Variants in NCLN observed in about 807,000 individuals in gnomAD.
NCLN encodes the protein nicalin.
Under a neutral mutation model 69.5 loss-of-function variants are expected in NCLN, and 34 were observed. The ratio of observed to expected loss-of-function variants is 0.49; its 90% CI spans 0.37 to 0.65. The LOEUF (loss-of-function observed/expected upper bound fraction) is 0.65, where lower values mean the gene tolerates loss of function less well. Among genes scored for constraint, NCLN ranks in the 30% least tolerant of loss-of-function variants. The pLI is 0.00. For missense variants in NCLN, 710 were observed against 804.8 expected, an observed-to-expected ratio of 0.88 and a Z score of 1.42; for synonymous variants, 393 against 358.3, an observed-to-expected ratio of 1.10 and a Z score of -1.09.
intron 1 of NCLN, among the ~76,000 whole-genome samples, chr19:3,189,204 G>A (rs1050615452): frequency 5.3e-5 from 8 of 152,178 alleles, no homozygotes; most frequent in Admixed American, 3.3e-4. Context: ...TTCTCGGCTC[G>A]GTGGCCGTTC....
Position 3,201,533 on chromosome 19 carries a change from T to G in NCLN, c.707T>G (p.Leu236Arg). The change falls in exon 6 of 15, where the codon CTG (leucine) becomes CGG (arginine). Residue 236 changes from leucine to arginine, a missense_variant. Transcript: ENST00000246117. ...CTCCCGTCCCTGTAGTGGCTGTCGC[T>G]GGGCGCGGACTCCAACGGGAGCGGC... ...DAFGVAPWLS[L>R]GADSNGSGVS... 3 of 1,555,268 alleles carry G rather than the reference T, an allele frequency of 1.9e-6. No individual in the cohort carries two copies. Among genetic ancestry groups the G allele is most frequent in the Non-Finnish European group, 2.6e-6 (3 of 1,156,540 alleles).
chr19:3,192,120 G>A (rs1915841197), intron 1 of NCLN, among the ~76,000 whole-genome samples: 1 of 152,208 alleles, frequency 6.6e-6, no homozygotes, highest in Non-Finnish European at 1.5e-5. Context: ...CCCGGGAGGT[G>A]GAGGCTGCAG....
In NCLN at chr19:3,208,352, A is replaced by G. The variant is rs312070; in HGVS notation, c.*664A>G. ...TCCGACTGCAGGGTCTGATGTCATC[A>G]TTGACAGCCTTTGCTTCGTGGGGGC... On this transcript the variant is annotated 3_prime_UTR_variant, in exon 15 of 15. Transcript: ENST00000246117. The G allele has an allele frequency of 0.53, 80,812 of 152,148 alleles. 22,220 individuals carry two copies. The highest frequency in any genetic ancestry group is 0.9 in the East Asian group (4,649 of 5,164). The allele number at this position is 152,148 out of a possible 1,614,324, so 9.4% of individuals were successfully genotyped here.
Position 3,198,919 on chromosome 19 carries a change from C to T in NCLN, c.696+22C>T, listed in dbSNP as rs372159042. 1.4e-3 allele frequency: 1,934 copies of T among 1,412,470 alleles called. 2 individuals are homozygous for T. The highest frequency in any genetic ancestry group is 1.6e-3 in the Non-Finnish European group (1,696 of 1,064,534). The allele number at this position is 1,412,470 out of a possible 1,614,324, so 87.5% of individuals were successfully genotyped here. On this transcript the variant is annotated intron_variant, in intron 5 of 14. Coordinates refer to ENST00000246117, the MANE Select transcript of NCLN (RefSeq NM_020170.4). Reference sequence around the variant, plus strand: ...CCCCGTACGTATGTGTGTCCCCATTCCCCCCACCCCACAGGGCTTGGATTC... The same window carrying T: ...CCCCGTACGTATGTGTGTCCCCATTTCCCCCACCCCACAGGGCTTGGATTC...
chr19:3,188,948 G>C (rs989605280), intron 1 of NCLN, among the ~76,000 whole-genome samples: 1 of 152,216 alleles, frequency 6.6e-6, no homozygotes, highest in Non-Finnish European at 1.5e-5. Flanking sequence ...AGAAGCCCCA[G>C]CGTGCTGCCT....
chr19:3,195,649 G>A (rs1915936343), intron 3 of NCLN, among the ~76,000 whole-genome samples: 1 of 151,582 alleles, frequency 6.6e-6, no homozygotes, highest in African/African-American at 2.4e-5. Context: ...TTTAGGCCAG[G>A]CACAGTGGCT....
chr19:3,191,112 G>A (rs1361817534), intron 1 of NCLN, among the ~76,000 whole-genome samples: 1 of 151,552 alleles, frequency 6.6e-6, no homozygotes, highest in Non-Finnish European at 1.5e-5. Flanking sequence ...GTGGCGGGCA[G>A]CAGGGAGATC....
At chr19:3,190,208 C>T (rs1038116479) in intron 1 of NCLN, among the ~76,000 whole-genome samples, 2 of 152,184 alleles carry the variant, frequency 1.3e-5, no homozygotes, top group African/African-American at 4.8e-5. Context: ...TGCCATGTCC[C>T]TGAGGGGCCT....
At chr19:3,189,605 C>T (rs905094298) in intron 1 of NCLN, among the ~76,000 whole-genome samples, 7 of 152,254 alleles carry the variant, frequency 4.6e-5, no homozygotes, top group Non-Finnish European at 8.8e-5. Context: ...TCAGGATGCC[C>T]GGTGCCCTCC....
chr19:3,193,689 C>T (rs1366977091), intron 3 of NCLN, among the ~76,000 whole-genome samples: 1 of 152,244 alleles, frequency 6.6e-6, no homozygotes. Context: ...ACCAGAACCA[C>T]GGACTCAGGA....
Position 3,188,763 on chromosome 19 carries a change from C to T in NCLN, c.184+2549C>T, listed in dbSNP as rs1276976207. The stretch of plus-strand genomic sequence containing the variant: ...GGCTCCCGGGGTGAGCGGAGGAGCC[C>T]ATGGGGCAGCCGCCCTGCCTCAGCC... On this transcript the variant is annotated intron_variant, in intron 1 of 14. Transcript: ENST00000246117. 7.2e-5 allele frequency among the ~76,000 whole-genome samples: 11 copies of T among 152,350 alleles called. No individual in the cohort carries two copies. In the South Asian group the frequency reaches 1.9e-3, roughly 26 times the overall value.
In NCLN at chr19:3,204,582, C is replaced by T. The variant is rs372571632; in HGVS notation, c.1039C>T (p.His347Tyr). Residue 347 changes from histidine to tyrosine, a missense_variant, in exon 9 of 15, where the codon CAC becomes TAC. His to Tyr is a moderately conservative substitution (Grantham distance 83). Transcript: ENST00000246117. ...GCGCCTCCGGCTGCAGGTGGCCGCG[C>T]ACCAGTTCCCTGAGGTACGGTTCTC... is the stretch of plus-strand genomic sequence containing the variant. ...FLRELETVAA[H>Y]QFPEVRFSMV... 1 of 1,545,428 alleles carries T rather than the reference C, an allele frequency of 6.5e-7. No individual in the cohort carries two copies. Among genetic ancestry groups the T allele is most frequent in the Non-Finnish European group, 8.7e-7 (1 of 1,145,154 alleles).
Position 3,208,877 on chromosome 19 carries a change from C to G in NCLN, c.*1189C>G, listed in dbSNP as rs909384504. ...GGAAGCCTTGGACAGAACCCTCCAC[C>G]CCGCAGACCAGGCGTCGTGTGTGTG... On this transcript the variant is annotated 3_prime_UTR_variant, in exon 15 of 15. Coordinates refer to ENST00000246117, the MANE Select transcript of NCLN (RefSeq NM_020170.4). 2.0e-5 allele frequency: 3 copies of G among 152,468 alleles called. No homozygotes were observed. Among genetic ancestry groups the G allele is most frequent in the African/African-American group, 7.2e-5 (3 of 41,480 alleles). The allele number at this position is 152,468 out of a possible 1,614,324, so 9.4% of individuals were successfully genotyped here. A position where few individuals can be genotyped will look rare whatever the true frequency, so the allele number is the denominator to read the frequency against.
chr19:3,202,949 G>A (rs1268713631), intron 6 of NCLN, among the ~76,000 whole-genome samples: 3 of 152,064 alleles, frequency 2.0e-5, no homozygotes, highest in Non-Finnish European at 2.9e-5. Context: ...GTGGGAAGAT[G>A]GGGGTAGGGG....
intron 1 of NCLN, among the ~76,000 whole-genome samples, chr19:3,191,664 C>G (rs1915831405): frequency 6.6e-6 from 1 of 152,198 alleles, no homozygotes; most frequent in Non-Finnish European, 1.5e-5. Context: ...CTGCCCTTGG[C>G]CTATTTAAGA....
chr19:3,207,186 C>A lies in NCLN; in HGVS notation c.1500-12C>A. 1 of 1,613,528 alleles carries A rather than the reference C, an allele frequency of 6.2e-7. No individual in the cohort carries two copies. Among genetic ancestry groups the A allele is most frequent in the Non-Finnish European group, 8.5e-7 (1 of 1,179,972 alleles). On this transcript the variant is annotated splice_polypyrimidine_tract_variant and intron_variant, in intron 12 of 14. Transcript: ENST00000246117. Reference sequence around the variant, plus strand: ...CGCAGTGGTGCCCCCTGAGAAAGTGCTCTCTCCCCAGGGACCCAGAGTTTG... The same window carrying A: ...CGCAGTGGTGCCCCCTGAGAAAGTGATCTCTCCCCAGGGACCCAGAGTTTG...
intron 4 of NCLN, 69 bp from the exon 5 acceptor site, chr19:3,198,748 C>G: frequency 7.4e-7 from 1 of 1,346,312 alleles, no homozygotes; most frequent in Non-Finnish European, 1.0e-6. Context: ...GGGGAGGGGT[C>G]TCCAAGCCCC....
chr19:3,190,075 G>C (rs569324389), intron 1 of NCLN, among the ~76,000 whole-genome samples: 1 of 152,228 alleles, frequency 6.6e-6, no homozygotes, highest in Non-Finnish European at 1.5e-5. Flanking sequence ...CTCATCTCCC[G>C]GCCCCAAAGG....
At chr19:3,188,318 A>G (rs485528) in intron 1 of NCLN, among the ~76,000 whole-genome samples, 150,570 of 151,752 alleles carry the variant, frequency 0.99, 74,698 homozygotes, top group East Asian at 1. Context: ...GTCCCTGGGC[A>G]GATGTGGGCC....
Sources: allele counts gnomAD v4.1 joint callset (sites outside exome capture counted in the v4.1 genomes callset), GRCh38; gene constraint gnomAD v4.1.1; transcripts MANE v1.5; gene names NCBI Gene and HGNC (gene_info 2026-07-23, HGNC 2026-07-21).